SPATA16: variants seen among roughly 807,000 people sequenced by gnomAD.
SPATA16 encodes spermatogenesis associated 16.
In SPATA16, 36 loss-of-function variants were observed where a neutral mutation model predicts 63.3. The observed-to-expected ratio is 0.57, with a 90% CI of 0.44 to 0.75. SPATA16 has a LOEUF of 0.75. Among genes scored for constraint, SPATA16 ranks in the 30% least tolerant of loss-of-function variants. The pLI is 0.00. For synonymous variants in SPATA16, 203 were observed against 216.7 expected (o/e 0.94, Z 0.56); for missense variants, 646 against 679.3 (o/e 0.95, Z 0.54).
chr3:172,933,299 T>C (rs2109589412), intron 6 of SPATA16, among the ~76,000 whole-genome samples: 1 of 152,292 alleles, frequency 6.6e-6, no homozygotes, highest in Non-Finnish European at 1.5e-5. Flanking sequence ...CCCCTTTTTA[T>C]TCCTTGGTGA....
intron 6 of SPATA16, among the ~76,000 whole-genome samples, chr3:172,954,680 G>T (rs1733530740): frequency 6.6e-6 from 1 of 152,012 alleles, no homozygotes; most frequent in Non-Finnish European, 1.5e-5. Flanking sequence ...GAATTGCCTG[G>T]GGGAAAAAGA....
intron 6 of SPATA16, among the ~76,000 whole-genome samples, chr3:172,948,640 A>AT (rs984973462): frequency 6.8e-6 from 1 of 146,756 alleles, no homozygotes; most frequent in East Asian, 1.9e-4. Context: ...CTAATTTTTA[A>AT]TTTTTTTGTA....
At chr3:172,969,725 G>A (rs1288559943) in intron 5 of SPATA16, among the ~76,000 whole-genome samples, 4 of 152,242 alleles carry the variant, frequency 2.6e-5, no homozygotes, top group Non-Finnish European at 5.9e-5. Context: ...TTGTTGCAAC[G>A]TCATCTCCAC....
rs562475278 is a variant in SPATA16, at chr3:173,064,594, G to A, written c.613-15500C>T. 3.9e-5 allele frequency among the ~76,000 whole-genome samples: 6 copies of A among 152,228 alleles called. No individual in the cohort carries two copies. The East Asian group carries it at 7.7e-4, about 20-fold the overall frequency. On this transcript the variant is annotated intron_variant, in intron 2 of 10. Coordinates refer to ENST00000351008, the MANE Select transcript of SPATA16 (RefSeq NM_031955.6). ...GGGTGGGCAATCTTAGCTGTGTTCA[G>A]CCAAGCCTAGCTCTAGGATGGAGTT...
chr3:173,091,388 T>C (rs1737218097), intron 2 of SPATA16, among the ~76,000 whole-genome samples: 1 of 152,138 alleles, frequency 6.6e-6, no homozygotes. Flanking sequence ...TAGGTTTGGA[T>C]TTAATGTGTA....
At chr3:173,061,913 A>G (rs1357152049) in intron 2 of SPATA16, among the ~76,000 whole-genome samples, 1 of 152,240 alleles carries the variant, frequency 6.6e-6, no homozygotes, top group African/African-American at 2.4e-5. Flanking sequence ...TTTTCAGTCA[A>G]GTAGGCCATG....
chr3:173,072,284 G>A (rs1736693588), intron 2 of SPATA16, among the ~76,000 whole-genome samples: 1 of 152,128 alleles, frequency 6.6e-6, no homozygotes, highest in Non-Finnish European at 1.5e-5. Flanking sequence ...GCAGCTGGAG[G>A]CCATCATCAT....
intron 2 of SPATA16, among the ~76,000 whole-genome samples, chr3:173,084,674 C>CTAT (rs1440095553): frequency 6.6e-6 from 1 of 152,078 alleles, no homozygotes; most frequent in Non-Finnish European, 1.5e-5. Context: ...AGTCTTTAAT[C>CTAT]CATCTTCAGT....
At chr3:173,112,249 C>T (rs1053232454) in intron 2 of SPATA16, among the ~76,000 whole-genome samples, 6 of 152,200 alleles carry the variant, frequency 3.9e-5, no homozygotes, top group African/African-American at 1.2e-4. Flanking sequence ...GGACATACAA[C>T]ATTTTAAATT....
At chr3:172,919,117 T>C (rs1205991017) in intron 8 of SPATA16, among the ~76,000 whole-genome samples, 1 of 152,222 alleles carries the variant, frequency 6.6e-6, no homozygotes, top group Non-Finnish European at 1.5e-5. Context: ...GTTAGTTAGG[T>C]CATTTTTTGG....
chr3:172,947,003 A>G (rs576238711), intron 6 of SPATA16, among the ~76,000 whole-genome samples: 1 of 152,006 alleles, frequency 6.6e-6, no homozygotes, highest in South Asian at 2.1e-4. Flanking sequence ...AGAGAGAGAG[A>G]CTCCACTTGT....
At chr3:172,910,991 T>C (rs1732360293) in intron 10 of SPATA16, among the ~76,000 whole-genome samples, 1 of 152,232 alleles carries the variant, frequency 6.6e-6, no homozygotes, top group Non-Finnish European at 1.5e-5. Flanking sequence ...AGCTCTGTGA[T>C]AAATATGGCT....
At chr3:173,096,483 C>T (rs1390549534) in intron 2 of SPATA16, among the ~76,000 whole-genome samples, 1 of 152,022 alleles carries the variant, frequency 6.6e-6, no homozygotes, top group Non-Finnish European at 1.5e-5. Context: ...AAAAGCTGCT[C>T]AATTCATAAT....
chr3:173,038,316 T>C (rs149163730), intron 3 of SPATA16, among the ~76,000 whole-genome samples: 188 of 152,072 alleles, frequency 1.2e-3, no homozygotes, highest in African/African-American at 4.1e-3. Context: ...AACAAAACAT[T>C]GAGGGAAGTT....
intron 5 of SPATA16, among the ~76,000 whole-genome samples, chr3:172,968,455 A>C (rs991935495): frequency 2.6e-5 from 4 of 152,248 alleles, no homozygotes; most frequent in Admixed American, 2.6e-4. Flanking sequence ...GTTGGGTTGA[A>C]GTGGGGATAG....
At chr3:172,976,869 A>C in intron 5 of SPATA16, 99 bp downstream of exon 5, 8 of 919,542 alleles carry the variant, frequency 8.7e-6, no homozygotes, top group Non-Finnish European at 1.4e-5. Flanking sequence ...TGATATGCCC[A>C]GAGCTACCTT....
At chr3:173,074,032 G>A (rs148584506) in intron 2 of SPATA16, among the ~76,000 whole-genome samples, 3,981 of 152,264 alleles carry the variant, frequency 0.026, 178 homozygotes, top group African/African-American at 0.091. Context: ...GCTGGATTTC[G>A]GACTTGCATG....
chr3:173,118,053 A>C (rs1400364079), intron 1 of SPATA16, among the ~76,000 whole-genome samples: 1 of 152,212 alleles, frequency 6.6e-6, no homozygotes. Context: ...ATTGAATAGG[A>C]AAATTTTATA....
chr3:173,019,197 G>A (rs1235209749), intron 4 of SPATA16, among the ~76,000 whole-genome samples: 4 of 152,060 alleles, frequency 2.6e-5, no homozygotes, highest in African/African-American at 7.2e-5. Context: ...GAACATCCCC[G>A]AGAGCAAGAG....
Sources: gnomAD v4.1 joint callset for allele counts (sites outside exome capture counted in the v4.1 genomes callset) on GRCh38, gnomAD v4.1.1 for gene constraint, MANE v1.5 for transcripts, NCBI Gene and HGNC (gene_info 2026-07-23, HGNC 2026-07-21) for gene names.